CEP68: variants seen among roughly 807,000 people sequenced by gnomAD.
The protein encoded by CEP68 is centrosomal protein 68, also known as centrosomal protein of 68 kDa.
A neutral mutation model predicts 55.3 loss-of-function variants in CEP68; 26 were observed. That is an observed-to-expected ratio of 0.47 (90% CI 0.34 to 0.65). The LOEUF (loss-of-function observed/expected upper bound fraction) is 0.65, where lower values mean the gene tolerates loss of function less well. Among genes scored for constraint, CEP68 ranks in the 30% least tolerant of loss-of-function variants. The pLI, the probability that CEP68 is intolerant of heterozygous loss-of-function variation, is 0.01. For synonymous variants in CEP68, 402 were observed against 383.2 expected (o/e 1.05, Z -0.57); for missense variants, 957 against 946.7 (o/e 1.01, Z -0.14).
At chr2:65,080,683 T>C (rs1676970646) in intron 5 of CEP68, 2 of 345,294 alleles carry the variant, frequency 5.8e-6, no homozygotes, top group South Asian at 2.3e-4. Flanking sequence ...CTGGGCATGG[T>C]GGCGGGCGCC....
At chr2:65,082,186 G>A (rs1198813709) in intron 5 of CEP68, among the ~76,000 whole-genome samples, 1 of 152,214 alleles carries the variant, frequency 6.6e-6, no homozygotes, top group Non-Finnish European at 1.5e-5. Flanking sequence ...TTATGCCCAA[G>A]AGGATCTGGA....
chr2:65,083,328 CAG>C (rs1337218568), intron 6 of CEP68, among the ~76,000 whole-genome samples: 2 of 152,214 alleles, frequency 1.3e-5, no homozygotes, highest in Non-Finnish European at 2.9e-5. Context: ...GAAAGTCAAA[CAG>C]AATGACAGAA....
At chr2:65,058,479 C>T (rs112503656) in intron 1 of CEP68, among the ~76,000 whole-genome samples, 28 of 146,722 alleles carry the variant, frequency 1.9e-4, no homozygotes, top group South Asian at 1.1e-3. Flanking sequence ...ACACCTTATC[C>T]GATGGCTGAT....
At position 65,071,635 on chromosome 2, in the gene CEP68, A is replaced by G; in HGVS notation, c.539A>G (p.Gln180Arg). Reference protein sequence around the residue: ...PHSSGLSCLSQWKSVLSPGSA... With the variant: ...PHSSGLSCLSRWKSVLSPGSA... Reference sequence around the variant, plus strand: ...AGCTCAGGTCTCTCTTGCCTGTCACAGTGGAAGTCCGTGCTGAGCCCAGGT... The same window carrying G: ...AGCTCAGGTCTCTCTTGCCTGTCACGGTGGAAGTCCGTGCTGAGCCCAGGT... Residue 180 changes from glutamine (Q) to arginine (R), a missense_variant, in exon 3 of 7, where the codon CAG (glutamine) becomes CGG (arginine). By Grantham distance (43) the Gln-to-Arg change is conservative (BLOSUM62 1). Coordinates refer to ENST00000377990, the MANE Select transcript of CEP68 (RefSeq NM_015147.3). The G allele has an allele frequency of 6.2e-7, 1 of 1,614,176 alleles. No homozygotes were observed. The highest frequency in any genetic ancestry group is 8.5e-7 in the Non-Finnish European group (1 of 1,180,024).
rs767229955 is a variant in CEP68 at position 65,069,579 on chromosome 2, G to A, written c.135G>A (p.Leu45=). 69 of 1,613,716 alleles carry A rather than the reference G, an allele frequency of 4.3e-5. No individual in the cohort carries two copies. The South Asian group carries it at 6.9e-4, about 16-fold the overall frequency. Residue 45 remains leucine (L), a synonymous_variant, in exon 2 of 7, where the codon CTG becomes CTA. Coordinates refer to ENST00000377990, the MANE Select transcript of CEP68 (RefSeq NM_015147.3). The part of the protein sequence containing the change: ...GPMSGEQPPR[L]EAEGGLISPV... ...TGAGTGGGGAGCAGCCCCCACGCCTGGAAGCTGAGGGAGGGCTCATCTCCC... is the reference window on the plus strand; with the variant it reads ...TGAGTGGGGAGCAGCCCCCACGCCTAGAAGCTGAGGGAGGGCTCATCTCCC...
intron 4 of CEP68, among the ~76,000 whole-genome samples, 182 bp from the exon 5 acceptor site, chr2:65,077,686 G>T (rs1676828343): frequency 1.3e-5 from 2 of 152,116 alleles, no homozygotes; most frequent in African/African-American, 2.4e-5. Context: ...ATTTACCTTG[G>T]GTTCAAAGAA....
At position 65,071,793 on chromosome 2, in the gene CEP68, C is replaced by T. The variant is rs138933485; in HGVS notation, c.697C>T (p.Pro233Ser). Reference protein sequence around the residue: ...KVSSSLEPVVPQEPSSVVGLG... With the variant: ...KVSSSLEPVVSQEPSSVVGLG... ...CTCCTCCTCCCTGGAGCCGGTCGTC[C>T]CCCAGGAACCTTCCTCTGTGGTGGG... The change falls in exon 3 of 7, where the codon CCC becomes TCC. Residue 233 changes from proline to serine, a missense_variant. Physicochemically the swap from Pro to Ser is moderately conservative, Grantham distance 74. Transcript: ENST00000377990. The T allele has an allele frequency of 9.3e-6, 15 of 1,609,416 alleles. No individual in the cohort carries two copies. Among genetic ancestry groups the T allele is most frequent in the Non-Finnish European group, 1.3e-5 (15 of 1,176,986 alleles).
rs142989696 is a variant in CEP68, at chr2:65,078,691, G to A, written c.2104+727G>A. ...TGAGTAGCTGGGATTACAGGCATGC[G>A]CCACCATGCCCGGCTATTTTTTTTG... On this transcript the variant is annotated intron_variant, in intron 5 of 6. Transcript: ENST00000377990. Among the ~76,000 whole-genome samples, 43 of 152,164 alleles carry A rather than the reference G, an allele frequency of 2.8e-4. No individual in the cohort carries two copies. In the South Asian group the frequency reaches 5.4e-3, roughly 19 times the overall value.
In CEP68 at chr2:65,077,958, A is replaced by C. The variant is rs751664315; in HGVS notation, c.2098A>C (p.Thr700Pro). ...TCTTCTTCAGTGCCTGTTGGAGAAC[A>C]CCCCAGGTGAGATGCTTAAGGTTTT... ...EILLQCLLEN[T>P]PVLEDVLGRI... Residue 700 changes from threonine to proline, a missense_variant, in exon 5 of 7, where the codon ACC becomes CCC. By Grantham distance (38) the Thr-to-Pro change is conservative. Transcript: ENST00000377990. 1 of 1,612,624 alleles carries C rather than the reference A, an allele frequency of 6.2e-7. No individual in the cohort carries two copies. Among genetic ancestry groups the C allele is most frequent in the Admixed American group, 1.7e-5 (1 of 59,920 alleles).
rs1224184921 is a variant in CEP68 at position 65,086,482 on chromosome 2, T to C, written c.*2848T>C. 4 of 152,220 alleles carry C rather than the reference T, an allele frequency of 2.6e-5. No individual in the cohort carries two copies. The highest frequency in any genetic ancestry group is 5.9e-5 in the Non-Finnish European group (4 of 68,030). The allele number at this position is 152,220 out of a possible 1,614,324, so 9.4% of individuals were successfully genotyped here. A position where few individuals can be genotyped will look rare whatever the true frequency, so the allele number is the denominator to read the frequency against. The stretch of plus-strand genomic sequence containing the variant: ...AATCTTAAGGCATGCTGAAATTTGT[T>C]GTAAATCCCAATCTTTACTGCCATG... On this transcript the variant is annotated 3_prime_UTR_variant, in exon 7 of 7. Coordinates refer to ENST00000377990, the MANE Select transcript of CEP68 (RefSeq NM_015147.3).
chr2:65,062,324 G>A (rs1230625931), intron 1 of CEP68, among the ~76,000 whole-genome samples: 1 of 152,108 alleles, frequency 6.6e-6, no homozygotes, highest in African/African-American at 2.4e-5. Flanking sequence ...ACTTGAGGCC[G>A]GGAGTTCGAG....
In CEP68 at chr2:65,072,854, G is replaced by C. The variant is rs141305652; in HGVS notation, c.1758G>C (p.Leu586=). The part of the protein sequence containing the change: ...SSQALGVSSG[L]LKTRPSLPAR... ...AGGCCCTCGGGGTCTCCTCTGGACT[G>C]CTGAAAACACGCCCCTCCTTGCCAG... The change falls in exon 3 of 7, where the codon CTG becomes CTC. Residue 586 remains leucine, a synonymous_variant. Transcript: ENST00000377990. 40 of 1,614,200 alleles carry C rather than the reference G, an allele frequency of 2.5e-5. No individual in the cohort carries two copies. Among genetic ancestry groups the C allele is most frequent in the Non-Finnish European group, 3.3e-5 (39 of 1,180,042 alleles).
chr2:65,081,559 A>C (rs1238280212), intron 5 of CEP68, among the ~76,000 whole-genome samples: 2 of 152,236 alleles, frequency 1.3e-5, no homozygotes, highest in African/African-American at 4.8e-5. Context: ...CTTAACAAAA[A>C]TAAATTTTTG....
intron 2 of CEP68, chr2:65,071,096 G>A (rs1676438398): frequency 3.6e-6 from 1 of 276,412 alleles, no homozygotes; most frequent in Non-Finnish European, 6.9e-6. Flanking sequence ...TAGCGACAGA[G>A]TGATTGAGGG....
In CEP68 at chr2:65,074,143, G is replaced by A. The variant is rs189892781; in HGVS notation, c.1885-139G>A. 390 of 946,308 alleles carry A rather than the reference G, an allele frequency of 4.1e-4. No homozygotes were observed. The African/African-American group carries it at 5.7e-3, about 14-fold the overall frequency. The allele number at this position is 946,308 out of a possible 1,614,324, so 58.6% of individuals were successfully genotyped here. On this transcript the variant is annotated intron_variant, in intron 3 of 6. Transcript: ENST00000377990. ...GAGGGAGGTACAGAGTCGTGGAGTC[G>A]GGACAGGTGAGCAAGGAGGAGAGAG...
intron 6 of CEP68, among the ~76,000 whole-genome samples, 173 bp from the exon 7 acceptor site, chr2:65,083,466 A>C (rs548907095): frequency 1.9e-4 from 29 of 152,348 alleles, no homozygotes; most frequent in African/African-American, 7.0e-4. Context: ...TGCTTAACTC[A>C]TAGATTTTCT....
rs377688936 is a variant in CEP68 at position 65,084,522 on chromosome 2, T to A, written c.*888T>A. 6.8e-6 allele frequency: 1 copy of A among 147,304 alleles called. No homozygotes were observed. 9.1% of individuals were successfully genotyped at this position (147,304 alleles called of 1,614,324 possible). A position where few individuals can be genotyped will look rare whatever the true frequency, so the allele number is the denominator to read the frequency against. On this transcript the variant is annotated 3_prime_UTR_variant, in exon 7 of 7. Coordinates refer to ENST00000377990, the MANE Select transcript of CEP68 (RefSeq NM_015147.3). The stretch of plus-strand genomic sequence containing the variant: ...GGCATTGACACATAAGTACTTTGAT[T>A]AAAAAAAAAAAAAACTATGGATCAA...
intron 1 of CEP68, among the ~76,000 whole-genome samples, chr2:65,068,335 G>A (rs1429461560): frequency 6.6e-6 from 1 of 152,190 alleles, no homozygotes; most frequent in Non-Finnish European, 1.5e-5. Context: ...GGTCCTGTTT[G>A]CAGATTCAGC....
Position 65,071,761 on chromosome 2 carries a change from C to T in CEP68, c.665C>T (p.Ala222Val). Reference sequence around the variant, plus strand: ...GCGGAGCCTCGTGGTGGTTCTCTGGCCAAGGTCTCCTCCTCCCTGGAGCCG... The same window carrying T: ...GCGGAGCCTCGTGGTGGTTCTCTGGTCAAGGTCTCCTCCTCCCTGGAGCCG... ...ERAEPRGGSLAKVSSSLEPVV... is the reference protein window; with the variant it reads ...ERAEPRGGSLVKVSSSLEPVV... The change falls in exon 3 of 7, where the codon GCC (alanine) becomes GTC (valine). Residue 222 changes from alanine to valine, a missense_variant. Transcript: ENST00000377990. 6.2e-7 allele frequency: 1 copy of T among 1,613,356 alleles called. No homozygotes were observed. The highest frequency in any genetic ancestry group is 1.1e-5 in the South Asian group (1 of 91,078).
Sources: allele counts gnomAD v4.1 joint callset (sites outside exome capture counted in the v4.1 genomes callset), GRCh38; gene constraint gnomAD v4.1.1; transcripts MANE v1.5; gene names NCBI Gene and HGNC (gene_info 2026-07-23, HGNC 2026-07-21).